GCFC2: variants seen among roughly 807,000 people sequenced by gnomAD.
GCFC2 encodes GC-rich sequence DNA-binding factor 2.
A neutral mutation model predicts 99.4 loss-of-function variants in GCFC2; 102 were observed. That is an observed-to-expected ratio of 1.03 (90% CI 0.87 to 1.21). The LOEUF is 1.21. Ranked by LOEUF, GCFC2 falls within the 50% of genes most tolerant of loss-of-function variation. GCFC2 has a pLI of 0.00. For missense variants in GCFC2, 973 were observed against 920.9 expected, an observed-to-expected ratio of 1.06 and a Z score of -0.73; for synonymous variants, 338 against 316.8, an observed-to-expected ratio of 1.07 and a Z score of -0.71.
In GCFC2 at chr2:75,673,392, C is replaced by T. The variant is rs368723597; in HGVS notation, c.1889+52G>A. ...TTTTGCATTGCATTCTTAAACAAATCTGTATTCTATGATCAGCTATTTCCA... is the reference window on the plus strand; with the variant it reads ...TTTTGCATTGCATTCTTAAACAAATTTGTATTCTATGATCAGCTATTTCCA... On this transcript the variant is annotated intron_variant, in intron 13 of 16. Transcript: ENST00000321027. The T allele has an allele frequency of 9.0e-4, 717 of 796,514 alleles. 11 individuals carry two copies. In the South Asian group the frequency reaches 9.9e-3, roughly 11 times the overall value. The allele number at this position is 796,514 out of a possible 1,614,324, so 49.3% of individuals were successfully genotyped here. A position where few individuals can be genotyped will look rare whatever the true frequency, so the allele number is the denominator to read the frequency against.
At chr2:75,710,376 C>T in intron 1 of GCFC2, 1 of 1,165,152 alleles carries the variant, frequency 8.6e-7, no homozygotes, top group Non-Finnish European at 1.1e-6. Flanking sequence ...TGTTTTATTT[C>T]CCCCAAGGAG....
chr2:75,680,172 C>A lies in GCFC2; in HGVS notation c.1812+21G>T, dbSNP rs147049808. The A allele has an allele frequency of 1.0e-3, 1,637 of 1,567,500 alleles. 15 individuals carry two copies. The African/African-American group carries it at 0.02, about 19-fold the overall frequency. ...TGATTTAGAGATAGATCATGGAGTT[C>A]GCAACTCTAGAAATTATTACCTGTC... On this transcript the variant is annotated intron_variant, in intron 12 of 16. Transcript: ENST00000321027.
rs1273849569 is a variant in GCFC2, at chr2:75,691,907, A to T, written c.1144+70T>A. The T allele has an allele frequency of 3.6e-6, 3 of 824,448 alleles. No individual in the cohort carries two copies. In the African/African-American group the frequency reaches 5.3e-5, roughly 15 times the overall value. 51.1% of individuals were successfully genotyped at this position (824,448 alleles called of 1,614,324 possible). On this transcript the variant is annotated intron_variant, in intron 7 of 16. Transcript: ENST00000321027. ...ATGAAAAACATGTTTATAAAAATAA[A>T]AATATTTTTATTCTTCACATAATTT...
At chr2:75,711,096 G>C, upstream of GCFC2, 1 of 1,291,470 alleles carries the variant, frequency 7.7e-7, no homozygotes, top group Non-Finnish European at 9.8e-7. Flanking sequence ...AGGTTAGGTT[G>C]CGTGGACTGA....
intron 4 of GCFC2, 52 bp from the exon 5 acceptor site, chr2:75,696,367 G>C (rs201931866): frequency 1.2e-6 from 1 of 812,238 alleles, no homozygotes; most frequent in East Asian, 2.4e-5. Context: ...ATTTACCTTT[G>C]AAACATTAAT....
intron 13 of GCFC2, among the ~76,000 whole-genome samples, chr2:75,672,939 CT>C (rs1195892348): frequency 4.6e-5 from 7 of 152,334 alleles, no homozygotes; most frequent in Admixed American, 3.9e-4. Context: ...TAAAGCACGG[CT>C]TTATGTAAGT....
At chr2:75,712,789 G>A (rs1391673888), upstream of GCFC2, among the ~76,000 whole-genome samples, 6 of 152,024 alleles carry the variant, frequency 3.9e-5, no homozygotes, top group South Asian at 4.2e-4. Context: ...CCCCAGACGC[G>A]CCACCTTAAG....
At chr2:75,683,771 C>CAAAAAAA (rs749580096) in intron 11 of GCFC2, among the ~76,000 whole-genome samples, 2,582 of 55,350 alleles carry the variant, frequency 0.047, no homozygotes, top group East Asian at 0.078. Context: ...AAATGGAAAG[C>CAAAAAAA]AAAAAAAAAA....
chr2:75,674,451 A>G (rs999902129), intron 12 of GCFC2, among the ~76,000 whole-genome samples: 1 of 152,222 alleles, frequency 6.6e-6, no homozygotes, highest in Admixed American at 6.5e-5. Flanking sequence ...ATGAGATAAC[A>G]TTAAGCAGAA....
intron 12 of GCFC2, among the ~76,000 whole-genome samples, chr2:75,678,556 A>G (rs1679443801): frequency 6.6e-6 from 1 of 152,174 alleles, no homozygotes; most frequent in Non-Finnish European, 1.5e-5. Flanking sequence ...CCCACTGCTG[A>G]AGGTAACCTC....
At chr2:75,708,392 G>C (rs1230651928) in intron 1 of GCFC2, among the ~76,000 whole-genome samples, 2 of 149,856 alleles carry the variant, frequency 1.3e-5, no homozygotes, top group African/African-American at 4.9e-5. Flanking sequence ...AATAATGCAA[G>C]ATGTTACCAA....
At chr2:75,690,363 G>A in intron 8 of GCFC2, 4 of 501,340 alleles carry the variant, frequency 8.0e-6, no homozygotes, top group Non-Finnish European at 1.4e-5. Flanking sequence ...AGATTCCGAA[G>A]AGGGGGTAAT....
intron 14 of GCFC2, 43 bp downstream of exon 14, chr2:75,671,906 AT>A: frequency 1.1e-6 from 1 of 935,690 alleles, no homozygotes. Flanking sequence ...AGTAAACAGG[AT>A]TTTTACAAAA....
At chr2:75,705,854 C>T (rs1166964995) in intron 2 of GCFC2, among the ~76,000 whole-genome samples, 2 of 152,052 alleles carry the variant, frequency 1.3e-5, no homozygotes, top group African/African-American at 4.8e-5. Flanking sequence ...ACTTTGCGGG[C>T]CATAGGGTCT....
chr2:75,684,180 T>G (rs933878794), intron 11 of GCFC2, among the ~76,000 whole-genome samples: 1 of 152,236 alleles, frequency 6.6e-6, no homozygotes, highest in Non-Finnish European at 1.5e-5. Flanking sequence ...ATATACATTT[T>G]TCTTAGCACC....
At chr2:75,685,074 G>C (rs1456708656) in intron 11 of GCFC2, among the ~76,000 whole-genome samples, 1 of 152,156 alleles carries the variant, frequency 6.6e-6, no homozygotes, top group Admixed American at 6.5e-5. Flanking sequence ...TCAGGGGACT[G>C]GGGTGGGATA....
intron 15 of GCFC2, among the ~76,000 whole-genome samples, chr2:75,666,589 A>C (rs1678844409): frequency 6.6e-6 from 1 of 152,164 alleles, no homozygotes; most frequent in South Asian, 2.1e-4. Flanking sequence ...GAATCAATGT[A>C]GGTGCATTCA....
chr2:75,706,491 A>T (rs764070993), intron 2 of GCFC2, 32 bp downstream of exon 2: 7 of 1,429,398 alleles, frequency 4.9e-6, no homozygotes, highest in Non-Finnish European at 6.8e-6. Context: ...TTAAAAATAA[A>T]ATTCTTAACC....
rs2104422573 is a variant in GCFC2 at position 75,706,519 on chromosome 2, TA to T, written c.394+3del. On this transcript the variant is annotated splice_donor_region_variant and intron_variant, in intron 2 of 16. Coordinates refer to ENST00000321027, the MANE Select transcript of GCFC2 (RefSeq NM_003203.5). ...TCTTAACCAAAATCATACAAATTAC[TA>T]ACCTGTTGATGAAAGTTCTTTTTCT... 1.3e-6 allele frequency: 2 copies of T among 1,565,872 alleles called. No individual in the cohort carries two copies. The highest frequency in any genetic ancestry group is 1.7e-6 in the Non-Finnish European group (2 of 1,146,224).
Sources: allele counts gnomAD v4.1 joint callset (sites outside exome capture counted in the v4.1 genomes callset), GRCh38; gene constraint gnomAD v4.1.1; transcripts MANE v1.5; gene names NCBI Gene and HGNC (gene_info 2026-07-23, HGNC 2026-07-21).